DIAPH3: variants seen among roughly 807,000 people sequenced by gnomAD.
DIAPH3 encodes protein diaphanous homolog 3.
In DIAPH3, 117 loss-of-function variants were observed where a neutral mutation model predicts 144.3. The ratio of observed to expected loss-of-function variants is 0.81; its 90% CI spans 0.70 to 0.95. DIAPH3 has a LOEUF of 0.95. Among genes scored for constraint, DIAPH3 ranks in the 40% least tolerant of loss-of-function variants. The probability of loss-of-function intolerance (pLI) is 0.00; values close to 1 mark genes in which losing one functional copy is unlikely to be tolerated. For missense variants in DIAPH3, 1,421 were observed against 1,412.7 expected (o/e 1.01, Z -0.09); for synonymous variants, 519 against 488.9 (o/e 1.06, Z -0.81).
intron 24 of DIAPH3, among the ~76,000 whole-genome samples, chr13:59,813,826 C>T (rs1235478219): frequency 6.7e-6 from 1 of 149,030 alleles, no homozygotes; most frequent in Non-Finnish European, 1.5e-5. Context: ...CACCACTGTA[C>T]TCCAGCCTGG....
chr13:59,974,377 G>T lies in DIAPH3; in HGVS notation c.1625C>A (p.Ala542Glu). 6.2e-7 allele frequency: 1 copy of T among 1,612,080 alleles called. No individual in the cohort carries two copies. The change falls in exon 15 of 28, where the codon GCA (alanine) becomes GAA (glutamate). Residue 542 changes from alanine to glutamate, a missense_variant. Physicochemically the swap from Ala to Glu is moderately radical, Grantham distance 107. Coordinates refer to ENST00000400324, the MANE Select transcript of DIAPH3 (RefSeq NM_001042517.2). Reference protein sequence around the residue: ...KKEAKINELQAELQAFKSQFG... With the variant: ...KKEAKINELQEELQAFKSQFG... ...CTGAGACTTAAAAGCTTGTAGCTCT[G>T]CTTGAAGCTCATTAATCTTTGCCTC...
chr13:59,848,180 T>A (rs968442127), intron 22 of DIAPH3, among the ~76,000 whole-genome samples: 4 of 151,984 alleles, frequency 2.6e-5, no homozygotes, highest in Non-Finnish European at 5.9e-5. Context: ...CTACCATTAT[T>A]CATCTACACT....
At chr13:59,823,750 CA>C (rs1250685952) in intron 24 of DIAPH3, among the ~76,000 whole-genome samples, 1 of 152,238 alleles carries the variant, frequency 6.6e-6, no homozygotes, top group East Asian at 1.9e-4. Flanking sequence ...TTAGAGTTGA[CA>C]AGGATCAAAT....
chr13:60,005,671 C>T (rs920293990), intron 9 of DIAPH3, among the ~76,000 whole-genome samples: 1 of 151,936 alleles, frequency 6.6e-6, no homozygotes. Context: ...TTAGTAGAGA[C>T]GGGGTTTCAC....
intron 4 of DIAPH3, 136 bp from the exon 5 acceptor site, chr13:60,042,956 T>A: frequency 1.0e-6 from 1 of 979,674 alleles, no homozygotes; most frequent in Non-Finnish European, 1.5e-6. Context: ...GTAAATAATT[T>A]CCTTACTTCT....
intron 24 of DIAPH3, among the ~76,000 whole-genome samples, chr13:59,820,764 A>G (rs1001283331): frequency 4.5e-4 from 68 of 151,170 alleles, no homozygotes; most frequent in Non-Finnish European, 8.4e-4. Context: ...ATTAAATACT[A>G]TTTAGTGTTA....
intron 2 of DIAPH3, among the ~76,000 whole-genome samples, chr13:60,115,078 T>C (rs1381405257): frequency 6.6e-6 from 1 of 152,208 alleles, no homozygotes; most frequent in East Asian, 1.9e-4. Context: ...AAGAAAATCT[T>C]ATTAAAATCA....
chr13:60,050,289 G>A (rs1251853063), intron 4 of DIAPH3, among the ~76,000 whole-genome samples: 2 of 152,166 alleles, frequency 1.3e-5, no homozygotes, highest in Admixed American at 1.3e-4. Context: ...AGAACTTCTA[G>A]CAAACAGAAG....
chr13:59,804,032 C>T (rs1462402668), intron 25 of DIAPH3, among the ~76,000 whole-genome samples: 1 of 152,198 alleles, frequency 6.6e-6, no homozygotes, highest in Non-Finnish European at 1.5e-5. Flanking sequence ...ATTGCAAATT[C>T]TCTGGTTCCT....
chr13:60,059,562 G>T (rs2056685911), intron 4 of DIAPH3, among the ~76,000 whole-genome samples: 1 of 151,734 alleles, frequency 6.6e-6, no homozygotes, highest in Non-Finnish European at 1.5e-5. Context: ...TAAATAAAAA[G>T]GTCATATGGT....
chr13:60,012,477 T>C (rs933402116), intron 7 of DIAPH3, among the ~76,000 whole-genome samples: 1 of 152,238 alleles, frequency 6.6e-6, no homozygotes, highest in Admixed American at 6.5e-5. Context: ...ACAATATGCC[T>C]TGCTAATCAT....
intron 2 of DIAPH3, among the ~76,000 whole-genome samples, chr13:60,127,440 T>C (rs1023142805): frequency 2.0e-5 from 3 of 152,054 alleles, no homozygotes; most frequent in Non-Finnish European, 4.4e-5. Flanking sequence ...GGGAAACAAT[T>C]TGTCAGTTTC....
chr13:59,754,531 T>A (rs545144055), intron 27 of DIAPH3, among the ~76,000 whole-genome samples: 1 of 152,122 alleles, frequency 6.6e-6, no homozygotes, highest in Non-Finnish European at 1.5e-5. Flanking sequence ...AAGTTCTGAG[T>A]TTGTATCCTG....
At chr13:59,862,616 G>A (rs1236458790) in intron 21 of DIAPH3, among the ~76,000 whole-genome samples, 1 of 152,136 alleles carries the variant, frequency 6.6e-6, no homozygotes, top group Non-Finnish European at 1.5e-5. Context: ...GAAGAAAATT[G>A]TTTTGGACAA....
At chr13:59,821,666 T>C (rs1229091961) in intron 24 of DIAPH3, among the ~76,000 whole-genome samples, 2 of 152,174 alleles carry the variant, frequency 1.3e-5, no homozygotes, top group African/African-American at 2.4e-5. Context: ...AGTAAGTTTA[T>C]TGTAATAATT....
rs559859911 is a variant in DIAPH3, at chr13:59,768,327, T to C, written c.3319+5862A>G. Among the ~76,000 whole-genome samples the C allele has an allele frequency of 5.9e-5, 9 of 152,236 alleles. No individual in the cohort carries two copies. The East Asian group carries it at 1.7e-3, about 29-fold the overall frequency. On this transcript the variant is annotated intron_variant, in intron 27 of 27. Coordinates refer to ENST00000400324, the MANE Select transcript of DIAPH3 (RefSeq NM_001042517.2). ...ATGACATTTAGAAAATCAAGTTATT[T>C]TAATATATTGTTCCTTATGCTCTTT...
At chr13:60,092,054 T>C (rs1234927595) in intron 4 of DIAPH3, among the ~76,000 whole-genome samples, 1 of 152,056 alleles carries the variant, frequency 6.6e-6, no homozygotes. Context: ...TTCTCCAGGC[T>C]GCTCTCAAAC....
At chr13:59,867,346 T>A (rs2043988116) in intron 21 of DIAPH3, among the ~76,000 whole-genome samples, 1 of 151,500 alleles carries the variant, frequency 6.6e-6, no homozygotes, top group Admixed American at 6.6e-5. Flanking sequence ...GCCACTGCCA[T>A]AACCACAACC....
chr13:60,153,286 T>G (rs952823754), intron 1 of DIAPH3: 1 of 152,014 alleles, frequency 6.6e-6, no homozygotes, highest in Non-Finnish European at 1.5e-5. Context: ...AAGAGAAAAA[T>G]GAATATAGAA....
Sources: gnomAD v4.1 joint callset for allele counts (sites outside exome capture counted in the v4.1 genomes callset) on GRCh38, gnomAD v4.1.1 for gene constraint, MANE v1.5 for transcripts, NCBI Gene and HGNC (gene_info 2026-07-23, HGNC 2026-07-21) for gene names.